Variants in SAMD8 observed in about 807,000 individuals in gnomAD.
SAMD8 encodes the protein sphingomyelin synthase-related protein 1.
In SAMD8, 20 loss-of-function variants were observed where a neutral mutation model predicts 42.0. The ratio of observed to expected loss-of-function variants is 0.48; its 90% CI spans 0.34 to 0.69. SAMD8 has a LOEUF of 0.69. SAMD8 is among the 30% of genes least tolerant of loss of function. SAMD8 has a pLI of 0.01. For synonymous variants in SAMD8, 162 were observed against 173.0 expected (o/e 0.94, Z 0.50); for missense variants, 328 against 511.6 (o/e 0.64, Z 3.46).
In SAMD8 at chr10:75,161,273, A is replaced by G; in HGVS notation, c.579-3372A>G. On this transcript the variant is annotated intron_variant, in intron 2 of 5. Transcript: ENST00000542569. ...TTCTAGCTCCCTTCCTTAAGTAGCC[A>G]GACTTATTTCTCATCTCCCCTCCTA... Among the ~76,000 whole-genome samples the G allele has an allele frequency of 1.3e-5, 2 of 152,158 alleles. 1 individual carries two copies. The highest frequency in any genetic ancestry group is 2.9e-5 in the Non-Finnish European group (2 of 68,010).
intron 1 of SAMD8, among the ~76,000 whole-genome samples, chr10:75,117,278 C>G (rs947223557): frequency 2.6e-5 from 4 of 151,652 alleles, no homozygotes; most frequent in African/African-American, 9.7e-5. Flanking sequence ...CAAAAATTAG[C>G]CGGGTGTGGT....
At chr10:75,108,307 G>C (rs1434154201), upstream of SAMD8, 2 of 1,487,026 alleles carry the variant, frequency 1.3e-6, no homozygotes, top group Non-Finnish European at 1.8e-6. Flanking sequence ...GAGCCATTAG[G>C]GTCCAAAGAG....
At chr10:75,136,404 C>G (rs1839886774) in intron 1 of SAMD8, among the ~76,000 whole-genome samples, 1 of 152,114 alleles carries the variant, frequency 6.6e-6, no homozygotes, top group Non-Finnish European at 1.5e-5. Context: ...GCTTAGTTTC[C>G]CAGGAAGCTA....
chr10:75,126,659 G>A (rs1276549370), intron 1 of SAMD8, among the ~76,000 whole-genome samples: 3 of 151,396 alleles, frequency 2.0e-5, no homozygotes, highest in African/African-American at 7.3e-5. Context: ...GTGCCACCAC[G>A]CTGGCTAATT....
At chr10:75,108,802 C>A (rs1848675395), upstream of SAMD8, among the ~76,000 whole-genome samples, 1 of 152,200 alleles carries the variant, frequency 6.6e-6, no homozygotes, top group African/African-American at 2.4e-5. Context: ...TGCTTTCAGG[C>A]AGGCGAAGTC....
At chr10:75,161,310 C>T (rs2047951) in intron 2 of SAMD8, among the ~76,000 whole-genome samples, 84,332 of 151,962 alleles carry the variant, frequency 0.55, 25,266 homozygotes, top group East Asian at 0.9. Flanking sequence ...CCAACCCCAG[C>T]CTTCCAAGAA....
chr10:75,175,926 C>A lies in SAMD8; in HGVS notation c.793-140C>A, dbSNP rs934886418. The A allele has an allele frequency of 1.2e-5, 18 of 1,473,526 alleles. No individual in the cohort carries two copies. The African/African-American group carries it at 2.4e-4, about 20-fold the overall frequency. The allele number at this position is 1,473,526 out of a possible 1,614,324, so 91.3% of individuals were successfully genotyped here. On this transcript the variant is annotated intron_variant, in intron 4 of 5. Transcript: ENST00000542569. ...CCATTCTTGAAGTCTGGCTGGAATT[C>A]ATTAGACTGAAGGCCTAGATGCTTT...
chr10:75,118,653 A>G (rs1189603923), intron 1 of SAMD8, among the ~76,000 whole-genome samples: 2 of 152,234 alleles, frequency 1.3e-5, no homozygotes, highest in Non-Finnish European at 2.9e-5. Flanking sequence ...CAAAAAAGAA[A>G]AAGAAAAATA....
intron 1 of SAMD8, among the ~76,000 whole-genome samples, chr10:75,139,111 C>T (rs1839959899): frequency 6.6e-6 from 1 of 151,900 alleles, no homozygotes; most frequent in East Asian, 1.9e-4. Context: ...CAGGCATGCA[C>T]CACCACGCCC....
chr10:75,129,120 C>A (rs1237675584), intron 1 of SAMD8, among the ~76,000 whole-genome samples: 1 of 145,822 alleles, frequency 6.9e-6, no homozygotes, highest in Non-Finnish European at 1.5e-5. Flanking sequence ...CTTCTTTGTA[C>A]TTCCTCTTCT....
chr10:75,135,220 A>T lies in SAMD8; in HGVS notation c.-15-15294A>T, dbSNP rs190849223. Among the ~76,000 whole-genome samples, 572 of 152,186 alleles carry T rather than the reference A, an allele frequency of 3.8e-3. 8 individuals are homozygous for T. Among genetic ancestry groups the T allele is most frequent in the African/African-American group, 0.013 (548 of 41,532 alleles). On this transcript the variant is annotated intron_variant, in intron 1 of 5. Transcript: ENST00000542569. ...GTAATCCCAGCACTTTGGGAGGCCG[A>T]GGCGGGCTGATCACCTGAGGTCGGG...
At chr10:75,138,957 TC>T (rs576620328) in intron 1 of SAMD8, among the ~76,000 whole-genome samples, 39 of 137,918 alleles carry the variant, frequency 2.8e-4, no homozygotes, top group Admixed American at 1.8e-3. Context: ...AGTGGTTTTT[TC>T]TTTTTTTTTT....
At chr10:75,106,651 G>A (rs1848531801) in intron 1 of SAMD8, among the ~76,000 whole-genome samples, 1 of 152,174 alleles carries the variant, frequency 6.6e-6, no homozygotes, top group Non-Finnish European at 1.5e-5. Flanking sequence ...CCACTCTTAT[G>A]AGTAGCTCTC....
upstream of SAMD8, chr10:75,108,293 G>A: frequency 6.6e-7 from 1 of 1,506,792 alleles, no homozygotes; most frequent in South Asian, 1.3e-5. Flanking sequence ...GCTGCAGAGG[G>A]ACCGAGCCAT....
intron 1 of SAMD8, among the ~76,000 whole-genome samples, chr10:75,133,274 G>A (rs902188283): frequency 3.3e-5 from 5 of 151,778 alleles, no homozygotes; most frequent in East Asian, 1.9e-4. Flanking sequence ...GTGGTGGTGC[G>A]TGCCTATAGC....
intron 4 of SAMD8, among the ~76,000 whole-genome samples, chr10:75,170,416 C>T (rs547254146): frequency 6.6e-6 from 1 of 152,218 alleles, no homozygotes; most frequent in African/African-American, 2.4e-5. Context: ...TACCCCTGAG[C>T]TGAAGGGTGA....
At chr10:75,119,338 G>A (rs2134422840) in intron 1 of SAMD8, among the ~76,000 whole-genome samples, 1 of 152,166 alleles carries the variant, frequency 6.6e-6, no homozygotes, top group South Asian at 2.1e-4. Flanking sequence ...TGTATTTTTA[G>A]TAGAGACGGG....
Position 75,181,450 on chromosome 10 carries a change from C to A in SAMD8, c.*4758C>A, listed in dbSNP as rs1841079931. ...TCACCTCACCCGGATGTAATGCCAC[C>A]AATTTCAAATAACTAAAATGTGACC... On this transcript the variant is annotated 3_prime_UTR_variant, in exon 6 of 6. Coordinates refer to ENST00000542569, the MANE Select transcript of SAMD8 (RefSeq NM_001174156.2). 1 of 152,030 alleles carries A rather than the reference C, an allele frequency of 6.6e-6. No homozygotes were observed. The highest frequency in any genetic ancestry group is 2.1e-4 in the South Asian group (1 of 4,824). 9.4% of individuals were successfully genotyped at this position (152,030 alleles called of 1,614,324 possible).
At chr10:75,099,623 T>G in exon 1 of SAMD8, 2 of 1,071,700 alleles carry the variant, frequency 1.9e-6, no homozygotes, top group Non-Finnish European at 2.4e-6. Context: ...CAGTGGGCCC[T>G]CCGGTCCCTC....
Sources: allele counts gnomAD v4.1 joint callset (sites outside exome capture counted in the v4.1 genomes callset), GRCh38; gene constraint gnomAD v4.1.1; transcripts MANE v1.5; gene names NCBI Gene and HGNC (gene_info 2026-07-23, HGNC 2026-07-21).